The following PDS5B variants were observed in gnomAD, a reference collection of about 807,000 sequenced individuals.
PDS5B encodes the protein PDS5 cohesin associated factor B.
PDS5B carries 51 observed loss-of-function variants against 184.1 expected under a neutral mutation model. The ratio of observed to expected loss-of-function variants is 0.28; its 90% CI spans 0.22 to 0.35. PDS5B has a LOEUF of 0.35. PDS5B is among the 10% of genes least tolerant of loss of function. The pLI is 1.00. For missense variants in PDS5B, 1,180 were observed against 1,723.3 expected, an observed-to-expected ratio of 0.68 and a Z score of 5.58; for synonymous variants, 566 against 569.2, an observed-to-expected ratio of 0.99 and a Z score of 0.08.
At chr13:32,632,789 T>C (rs1469151645) in intron 1 of PDS5B, among the ~76,000 whole-genome samples, 2 of 152,150 alleles carry the variant, frequency 1.3e-5, no homozygotes, top group African/African-American at 4.8e-5. Context: ...TATATACATA[T>C]AATATTCAGT....
At chr13:32,588,933 G>T (rs1040565516) in intron 1 of PDS5B, among the ~76,000 whole-genome samples, 12 of 152,238 alleles carry the variant, frequency 7.9e-5, no homozygotes, top group Non-Finnish European at 1.6e-4. Flanking sequence ...CCAAAACTTT[G>T]TGGGGAAGGA....
intron 31 of PDS5B, among the ~76,000 whole-genome samples, chr13:32,768,329 T>G (rs1192113221): frequency 6.6e-6 from 1 of 152,102 alleles, no homozygotes; most frequent in Non-Finnish European, 1.5e-5. Context: ...CACTGATGTT[T>G]CCTCTTATAA....
chr13:32,612,617 T>C (rs930706303), intron 1 of PDS5B, among the ~76,000 whole-genome samples: 1 of 152,156 alleles, frequency 6.6e-6, no homozygotes, highest in Non-Finnish European at 1.5e-5. Flanking sequence ...TTCAGCAGTG[T>C]TGGGAGGTGG....
intron 1 of PDS5B, among the ~76,000 whole-genome samples, chr13:32,633,601 T>G (rs1204040591): frequency 6.6e-6 from 1 of 152,186 alleles, no homozygotes; most frequent in African/African-American, 2.4e-5. Context: ...TATCAAGTGT[T>G]TATGTACTAT....
At chr13:32,712,971 T>C (rs1366026874) in intron 19 of PDS5B, among the ~76,000 whole-genome samples, 1 of 152,214 alleles carries the variant, frequency 6.6e-6, no homozygotes, top group African/African-American at 2.4e-5. Flanking sequence ...CGATGAGTTA[T>C]ATGAGTTCCA....
rs1279908325 is a variant in PDS5B, at chr13:32,770,374, C to T, written c.3878C>T (p.Pro1293Leu). ...CCAAAAAAGGGTAAAAGAGGCCGAC[C>T]ACCAAAACCTCTTGGTGGAGGTACA... is the stretch of plus-strand genomic sequence containing the variant. Reference protein sequence around the residue: ...SPPKKGKRGRPPKPLGGGTPK... With the variant: ...SPPKKGKRGRLPKPLGGGTPK... Residue 1293 changes from proline (P) to leucine (L), a missense_variant, in exon 32 of 35, where the codon CCA becomes CTA. Coordinates refer to ENST00000315596, the MANE Select transcript of PDS5B (RefSeq NM_015032.4). The T allele has an allele frequency of 1.2e-6, 2 of 1,612,824 alleles. No individual in the cohort carries two copies. The highest frequency in any genetic ancestry group is 1.7e-6 in the Non-Finnish European group (2 of 1,179,714).
intron 19 of PDS5B, among the ~76,000 whole-genome samples, chr13:32,723,961 C>G (rs559627066): frequency 1.3e-5 from 2 of 152,308 alleles, no homozygotes; most frequent in African/African-American, 4.8e-5. Context: ...AATAAACTTA[C>G]AGCCAGCTTT....
intron 10 of PDS5B, among the ~76,000 whole-genome samples, chr13:32,680,867 T>C (rs928279014): frequency 2.0e-5 from 3 of 152,226 alleles, no homozygotes; most frequent in Non-Finnish European, 4.4e-5. Flanking sequence ...TATTGAAATA[T>C]TTAAATCATG....
Position 32,588,531 on chromosome 13 carries a change from T to C in PDS5B, c.-20+1938T>C, listed in dbSNP as rs187829552. ...TAAAGGTATATTTTAAATGGGAAGG[T>C]AGTGTTTGTCTTGGCCTTTTTTCTT... On this transcript the variant is annotated intron_variant, in intron 1 of 34. Transcript: ENST00000315596. Among the ~76,000 whole-genome samples, 252 of 152,308 alleles carry C rather than the reference T, an allele frequency of 1.7e-3. 1 individual carries two copies. The highest frequency in any genetic ancestry group is 5.7e-3 in the African/African-American group (239 of 41,576).
rs186790690 is a variant in PDS5B, at chr13:32,595,467, T to C, written c.-20+8874T>C. On this transcript the variant is annotated intron_variant, in intron 1 of 34. Transcript: ENST00000315596. ...GTTTATATATGTTAATGTTATGTTA[T>C]ATCCTTCTGGGGGTTTCAAAACACA... Among the ~76,000 whole-genome samples, 66 of 152,352 alleles carry C rather than the reference T, an allele frequency of 4.3e-4. 1 individual carries two copies. Among genetic ancestry groups the C allele is most frequent in the Admixed American group, 3.3e-3 (51 of 15,308 alleles).
Position 32,775,838 on chromosome 13 carries a change from TA to T in PDS5B, c.*787del, listed in dbSNP as rs1954941748. 2 of 292,474 alleles carry T rather than the reference TA, an allele frequency of 6.8e-6. No individual in the cohort carries two copies. Among genetic ancestry groups the T allele is most frequent in the Admixed American group, 4.8e-5 (1 of 21,046 alleles). 18.1% of individuals were successfully genotyped at this position (292,474 alleles called of 1,614,324 possible). A position where few individuals can be genotyped will look rare whatever the true frequency, so the allele number is the denominator to read the frequency against. The stretch of plus-strand genomic sequence containing the variant: ...TTATAAAATAATGTACTGAATTCTT[TA>T]TCCCATTTTATCATCCTTTCAGTTT... On this transcript the variant is annotated 3_prime_UTR_variant, in exon 35 of 35. Transcript: ENST00000315596.
intron 21 of PDS5B, among the ~76,000 whole-genome samples, chr13:32,739,723 G>T (rs571755887): frequency 6.6e-6 from 1 of 152,106 alleles, no homozygotes; most frequent in African/African-American, 2.4e-5. Context: ...TTATTTTGAT[G>T]TTATTCTGCT....
intron 6 of PDS5B, among the ~76,000 whole-genome samples, chr13:32,666,663 A>G (rs1018994495): frequency 3.3e-5 from 5 of 152,186 alleles, no homozygotes; most frequent in African/African-American, 1.2e-4. Flanking sequence ...AAAGACAAGT[A>G]TAGACTAAGG....
chr13:32,663,537 T>C (rs1384464066), intron 6 of PDS5B, among the ~76,000 whole-genome samples: 8 of 152,166 alleles, frequency 5.3e-5, no homozygotes, highest in Non-Finnish European at 1.0e-4. Flanking sequence ...ATACAATTCA[T>C]TGTAATTTAT....
intron 21 of PDS5B, among the ~76,000 whole-genome samples, chr13:32,740,120 G>C (rs1953487223): frequency 6.6e-6 from 1 of 152,046 alleles, no homozygotes; most frequent in African/African-American, 2.4e-5. Context: ...GAATTCTAGT[G>C]TTCATTCTTC....
chr13:32,760,242 A>G (rs189425210), intron 29 of PDS5B, among the ~76,000 whole-genome samples: 29 of 152,344 alleles, frequency 1.9e-4, no homozygotes, highest in Admixed American at 1.3e-3. Context: ...GGCGTGAGCC[A>G]CTGCACCCGG....
At chr13:32,652,750 T>A (rs1168575746) in intron 3 of PDS5B, 3 of 119,438 alleles carry the variant, frequency 2.5e-5, no homozygotes, top group African/African-American at 9.9e-5. Flanking sequence ...AGTGAGACCA[T>A]CTCTATTAAA....
At chr13:32,640,712 T>C (rs1433851920) in intron 1 of PDS5B, among the ~76,000 whole-genome samples, 1 of 152,030 alleles carries the variant, frequency 6.6e-6, no homozygotes, top group African/African-American at 2.4e-5. Context: ...TACTATTAAT[T>C]GGTGGTAAAT....
chr13:32,586,927 G>C (rs1320175514), intron 1 of PDS5B, among the ~76,000 whole-genome samples: 4 of 144,698 alleles, frequency 2.8e-5, no homozygotes, highest in Non-Finnish European at 6.1e-5. Flanking sequence ...GGGCGGCGGC[G>C]GCGGCGGGCG....
Sources: allele counts gnomAD v4.1 joint callset (sites outside exome capture counted in the v4.1 genomes callset), GRCh38; gene constraint gnomAD v4.1.1; transcripts MANE v1.5; gene names NCBI Gene and HGNC (gene_info 2026-07-23, HGNC 2026-07-21).